Variants in VPS53 observed in about 807,000 individuals in gnomAD.
The protein encoded by VPS53 is vacuolar protein sorting-associated protein 53 homolog.
VPS53 carries 70 observed loss-of-function variants against 107.0 expected under a neutral mutation model. The ratio of observed to expected loss-of-function variants is 0.65; its 90% CI spans 0.54 to 0.80. The LOEUF (loss-of-function observed/expected upper bound fraction) is 0.80. Ranked by LOEUF, VPS53 falls within the 30% of genes least tolerant of loss-of-function variation. VPS53 has a pLI of 0.00. For missense variants in VPS53, 917 were observed against 1,049.4 expected, an observed-to-expected ratio of 0.87 and a Z score of 1.74; for synonymous variants, 409 against 393.3, an observed-to-expected ratio of 1.04 and a Z score of -0.47.
chr17:697,411 T>C lies in VPS53; in HGVS notation c.285+7A>G. ...GCATAGGTAATATGGAGGAATGAGT[T>C]ACTTACTTGCCGTCCATCCTGCCCC... On this transcript the variant is annotated splice_region_variant and intron_variant, in intron 4 of 21. Transcript: ENST00000437048. 1 of 1,612,512 alleles carries C rather than the reference T, an allele frequency of 6.2e-7. No individual in the cohort carries two copies. Among genetic ancestry groups the C allele is most frequent in the African/African-American group, 1.3e-5 (1 of 75,012 alleles).
intron 4 of VPS53, among the ~76,000 whole-genome samples, chr17:689,608 G>A (rs1972708882): frequency 6.6e-6 from 1 of 151,620 alleles, no homozygotes; most frequent in African/African-American, 2.4e-5. Context: ...TGAGTAGCTG[G>A]GACTACAGGC....
At chr17:679,710 A>G (rs1163637764) in intron 4 of VPS53, among the ~76,000 whole-genome samples, 1 of 152,234 alleles carries the variant, frequency 6.6e-6, no homozygotes, top group Non-Finnish European at 1.5e-5. Flanking sequence ...CCCAAAAGGC[A>G]CTTGACCTTG....
intron 11 of VPS53, among the ~76,000 whole-genome samples, chr17:611,958 T>C (rs1407093901): frequency 6.6e-6 from 1 of 151,418 alleles, no homozygotes; most frequent in African/African-American, 2.4e-5. Flanking sequence ...ATTCACATAG[T>C]TCACACAGTG....
chr17:641,147 C>A (rs113734490), intron 7 of VPS53, among the ~76,000 whole-genome samples: 17 of 152,044 alleles, frequency 1.1e-4, no homozygotes, highest in Admixed American at 5.9e-4. Context: ...TGAGTCACTG[C>A]GCCCAGCCTC....
At chr17:663,475 T>G (rs1026551985) in intron 4 of VPS53, among the ~76,000 whole-genome samples, 1 of 152,078 alleles carries the variant, frequency 6.6e-6, no homozygotes, top group Non-Finnish European at 1.5e-5. Flanking sequence ...CCCACAGACG[T>G]GTATCGACCA....
chr17:573,144 G>A (rs887578570), intron 13 of VPS53, among the ~76,000 whole-genome samples: 4 of 152,256 alleles, frequency 2.6e-5, no homozygotes, highest in African/African-American at 9.6e-5. Flanking sequence ...GGGAACTCAG[G>A]AGAATGGGCA....
At chr17:564,648 C>T (rs1381573207) in intron 13 of VPS53, among the ~76,000 whole-genome samples, 4 of 151,528 alleles carry the variant, frequency 2.6e-5, no homozygotes, top group African/African-American at 4.9e-5. Flanking sequence ...ACTCAGGAGG[C>T]GGAGGTTGCT....
chr17:703,037 G>A (rs897883384), intron 2 of VPS53, among the ~76,000 whole-genome samples: 8 of 152,102 alleles, frequency 5.3e-5, no homozygotes, highest in African/African-American at 1.9e-4. Context: ...GCAAAACCCT[G>A]TCTCTACCAA....
chr17:526,235 A>G (rs75972121), intron 19 of VPS53, among the ~76,000 whole-genome samples: 1 of 152,152 alleles, frequency 6.6e-6, no homozygotes, highest in Admixed American at 6.5e-5. Context: ...GAAAAAAAAA[A>G]TCAGTCATTA....
chr17:514,886 G>C lies in VPS53; in HGVS notation c.*4242C>G, dbSNP rs548097634. 6.6e-6 allele frequency: 1 copy of C among 152,290 alleles called. No homozygotes were observed. The highest frequency in any genetic ancestry group is 2.4e-5 in the African/African-American group (1 of 41,464). The allele number at this position is 152,290 out of a possible 1,614,324, so 9.4% of individuals were successfully genotyped here. ...GGTACTGGCTCTTTGTTCTTCGAGAGAGGAAGGAGTGGCGGTAGTTAGCTT... is the reference window on the plus strand; with the variant it reads ...GGTACTGGCTCTTTGTTCTTCGAGACAGGAAGGAGTGGCGGTAGTTAGCTT... On this transcript the variant is annotated 3_prime_UTR_variant, in exon 22 of 22. Coordinates refer to ENST00000437048, the MANE Select transcript of VPS53 (RefSeq NM_001128159.3).
At chr17:584,950 T>C (rs1247411627) in intron 13 of VPS53, among the ~76,000 whole-genome samples, 1 of 152,224 alleles carries the variant, frequency 6.6e-6, no homozygotes, top group Non-Finnish European at 1.5e-5. Context: ...GAACTCCAAT[T>C]AGTAAATGTA....
intron 5 of VPS53, among the ~76,000 whole-genome samples, chr17:660,489 T>A (rs759425078): frequency 1.3e-5 from 2 of 152,130 alleles, no homozygotes. Context: ...ACCCCCTCGG[T>A]TGGAAGAGGA....
chr17:642,300 G>A (rs1056638778), intron 7 of VPS53, among the ~76,000 whole-genome samples: 16 of 152,062 alleles, frequency 1.1e-4, no homozygotes, highest in African/African-American at 2.2e-4. Flanking sequence ...CTTGGCAACC[G>A]AGGACAACAC....
At chr17:608,097 T>A (rs1008866901) in intron 11 of VPS53, among the ~76,000 whole-genome samples, 2 of 152,170 alleles carry the variant, frequency 1.3e-5, no homozygotes, top group Admixed American at 1.3e-4. Context: ...CAATTCCTAA[T>A]TGGTCCTTAA....
rs943883749 is a variant in VPS53, at chr17:609,783, GGAGAGAA to G, written c.1117-7894_1117-7888del. On this transcript the variant is annotated intron_variant, in intron 11 of 21. Transcript: ENST00000437048. ...TGCTTTGGGTAAGAGACAGCGAAGA[GGAGAGAA>G]GAGAGAAGAGAAGAGAGGAAAAAAA... 6.6e-4 allele frequency among the ~76,000 whole-genome samples: 101 copies of G among 152,248 alleles called. 1 individual carries two copies. The highest frequency in any genetic ancestry group is 2.3e-3 in the African/African-American group (95 of 41,554).
intron 11 of VPS53, among the ~76,000 whole-genome samples, chr17:612,188 GA>G (rs1252517662): frequency 4.3e-4 from 65 of 150,494 alleles, no homozygotes; most frequent in African/African-American, 1.6e-3. Flanking sequence ...TTCACACAGT[GA>G]AAACCTGTAC....
intron 7 of VPS53, among the ~76,000 whole-genome samples, chr17:636,597 G>A (rs1460722666): frequency 1.3e-5 from 2 of 152,114 alleles, no homozygotes; most frequent in Admixed American, 1.3e-4. Flanking sequence ...TCCCATCAAT[G>A]CCTAATTTAT....
chr17:599,090 C>T (rs1310297953), intron 12 of VPS53, among the ~76,000 whole-genome samples: 19 of 145,866 alleles, frequency 1.3e-4, no homozygotes, highest in Admixed American at 6.1e-4. Context: ...AGTGAGGAGC[C>T]CCTCTGCCAG....
chr17:527,210 C>T (rs1008963627), intron 19 of VPS53, among the ~76,000 whole-genome samples: 1 of 152,208 alleles, frequency 6.6e-6, no homozygotes, highest in Non-Finnish European at 1.5e-5. Context: ...CTCTCCTTTC[C>T]CTCTCAACAA....
Sources: allele counts gnomAD v4.1 joint callset (sites outside exome capture counted in the v4.1 genomes callset), GRCh38; gene constraint gnomAD v4.1.1; transcripts MANE v1.5; gene names NCBI Gene and HGNC (gene_info 2026-07-23, HGNC 2026-07-21).